Variants in PAN3 observed in about 807,000 individuals in gnomAD.
PAN3 encodes poly(A) specific ribonuclease subunit PAN3.
In PAN3, 19 loss-of-function variants were observed where a neutral mutation model predicts 96.2. The observed-to-expected ratio is 0.20, with a 90% CI of 0.14 to 0.29. PAN3 has a LOEUF of 0.29. Ranked by LOEUF, PAN3 falls within the 10% of genes least tolerant of loss-of-function variation. The pLI, the probability that PAN3 is intolerant of heterozygous loss-of-function variation, is 1.00. For synonymous variants in PAN3, 433 were observed against 406.6 expected, an observed-to-expected ratio of 1.06 and a Z score of -0.78; for missense variants, 882 against 1,108.1, an observed-to-expected ratio of 0.80 and a Z score of 2.90.
intron 4 of PAN3, among the ~76,000 whole-genome samples, chr13:28,196,454 G>A (rs550398961): frequency 6.6e-6 from 1 of 152,052 alleles, no homozygotes; most frequent in South Asian, 2.1e-4. Flanking sequence ...TTCTTATAAT[G>A]TTAGGCAAAT....
intron 1 of PAN3, among the ~76,000 whole-genome samples, chr13:28,158,592 C>T (rs1225943559): frequency 6.6e-6 from 1 of 152,132 alleles, no homozygotes; most frequent in Non-Finnish European, 1.5e-5. Context: ...AAATGCTCAA[C>T]ATTGGCTGGG....
chr13:28,176,105 A>G (rs1428603672), intron 2 of PAN3, among the ~76,000 whole-genome samples: 2 of 152,222 alleles, frequency 1.3e-5, no homozygotes, highest in Non-Finnish European at 2.9e-5. Context: ...TATGAATGGT[A>G]GTACAAATGG....
At chr13:28,263,854 T>A (rs988571896) in intron 9 of PAN3, among the ~76,000 whole-genome samples, 6 of 147,426 alleles carry the variant, frequency 4.1e-5, no homozygotes, top group African/African-American at 1.6e-4. Flanking sequence ...ATATTTAAAA[T>A]TTTTTTGTCA....
chr13:28,160,961 T>C (rs1872809088), intron 1 of PAN3, among the ~76,000 whole-genome samples: 1 of 152,198 alleles, frequency 6.6e-6, no homozygotes, highest in African/African-American at 2.4e-5. Flanking sequence ...TATGGAAAAA[T>C]CCTTGTAATA....
chr13:28,232,815 G>C (rs1252480779), intron 6 of PAN3, among the ~76,000 whole-genome samples: 1 of 151,954 alleles, frequency 6.6e-6, no homozygotes, highest in Non-Finnish European at 1.5e-5. Flanking sequence ...TTTTTTTAAA[G>C]ACTCCCTTTT....
intron 14 of PAN3, 146 bp from the exon 15 acceptor site, chr13:28,277,091 G>T: frequency 1.3e-6 from 1 of 786,624 alleles, no homozygotes; most frequent in South Asian, 2.0e-5. Flanking sequence ...ATAAGCTCCA[G>T]GTTATTCTGA....
intron 9 of PAN3, among the ~76,000 whole-genome samples, chr13:28,264,359 C>T (rs1001044458): frequency 3.9e-5 from 6 of 151,992 alleles, no homozygotes; most frequent in Admixed American, 3.9e-4. Flanking sequence ...GCCAACATGG[C>T]AAAACCCTGT....
intron 6 of PAN3, among the ~76,000 whole-genome samples, chr13:28,233,915 A>G (rs765877933): frequency 8.5e-5 from 13 of 152,212 alleles, no homozygotes; most frequent in African/African-American, 2.2e-4. Flanking sequence ...AAAATTAACC[A>G]AAGATGTGTA....
At chr13:28,146,490 T>C (rs1484286498) in intron 1 of PAN3, among the ~76,000 whole-genome samples, 1 of 152,054 alleles carries the variant, frequency 6.6e-6, no homozygotes, top group Non-Finnish European at 1.5e-5. Context: ...GATGAGGAGT[T>C]GGGTTCCTGG....
intron 1 of PAN3, among the ~76,000 whole-genome samples, chr13:28,161,313 C>G (rs900374896): frequency 6.6e-6 from 1 of 152,090 alleles, no homozygotes. Flanking sequence ...ATAATCTGTT[C>G]CATGTCTTTC....
intron 6 of PAN3, among the ~76,000 whole-genome samples, chr13:28,250,079 TA>T (rs1292459332): frequency 1.3e-5 from 2 of 152,212 alleles, no homozygotes; most frequent in Admixed American, 6.5e-5. Context: ...ACAGTTAGCA[TA>T]ATTATTTTTC....
At chr13:28,287,927 A>G (rs1378544584) in intron 17 of PAN3, 57 bp from the exon 18 acceptor site, 1 of 1,473,120 alleles carries the variant, frequency 6.8e-7, no homozygotes, top group Non-Finnish European at 9.1e-7. Flanking sequence ...AAAAATAGAC[A>G]TATGGCCACA....
chr13:28,235,672 TTCTC>T (rs1209353246), intron 6 of PAN3, among the ~76,000 whole-genome samples: 34 of 138,890 alleles, frequency 2.4e-4, no homozygotes, highest in African/African-American at 8.9e-4. Context: ...ATTTTTGTCT[TTCTC>T]TAATATACAC....
At chr13:28,198,327 A>G (rs1218194576) in intron 5 of PAN3, among the ~76,000 whole-genome samples, 1 of 152,128 alleles carries the variant, frequency 6.6e-6, no homozygotes, top group Non-Finnish European at 1.5e-5. Flanking sequence ...TTATTACACA[A>G]AGTCACATTT....
intron 5 of PAN3, chr13:28,215,567 C>A: frequency 1.4e-6 from 1 of 728,396 alleles, no homozygotes; most frequent in Non-Finnish European, 2.4e-6. Flanking sequence ...CAGGCTAAAT[C>A]AGTGCTGTCT....
intron 5 of PAN3, among the ~76,000 whole-genome samples, chr13:28,209,205 C>T (rs187654877): frequency 4.6e-5 from 7 of 152,074 alleles, no homozygotes; most frequent in East Asian, 1.9e-4. Flanking sequence ...CCCATGAATA[C>T]GGAGTGCTGA....
chr13:28,138,994 G>A lies in PAN3; in HGVS notation c.337G>A (p.Gly113Arg). Reference protein sequence around the residue: ...VAGGGAGPPPGPKKPDLGDPG... With the variant: ...VAGGGAGPPPRPKKPDLGDPG... ...GGGCGGGGGAGCTGGGCCGCCCCCC[G>A]GGCCCAAGAAGCCGGACCTGGGGGA... is the stretch of plus-strand genomic sequence containing the variant. The change falls in exon 1 of 19, where the codon GGG becomes AGG. Residue 113 changes from glycine (G) to arginine (R), a missense_variant. Gly to Arg is a moderately radical substitution (Grantham distance 125, BLOSUM62 -2). Around this residue, in one of 3 missense-constraint regions of PAN3, gnomAD observed 442 missense variants for 422.8 expected, o/e 1.05. Transcript: ENST00000380958. The A allele has an allele frequency of 7.9e-7, 1 of 1,273,188 alleles. No homozygotes were observed. Among genetic ancestry groups the A allele is most frequent in the Non-Finnish European group, 9.9e-7 (1 of 1,009,872 alleles). The allele number at this position is 1,273,188 out of a possible 1,614,324, so 78.9% of individuals were successfully genotyped here.
At chr13:28,152,124 C>CAT (rs1362737017) in intron 1 of PAN3, among the ~76,000 whole-genome samples, 1 of 151,912 alleles carries the variant, frequency 6.6e-6, no homozygotes, top group Non-Finnish European at 1.5e-5. Context: ...CCAGTCATGC[C>CAT]ATATATATAT....
At position 28,171,863 on chromosome 13, in the gene PAN3, G is replaced by A. The variant is rs531748560; in HGVS notation, c.431-2409G>A. On this transcript the variant is annotated intron_variant, in intron 1 of 18. Transcript: ENST00000380958. ...TGAAAGTTCCAAACTGGTAATCAGG[G>A]CTTGGTCTTTCTGGTGAACGGCTCC... 2.0e-5 allele frequency among the ~76,000 whole-genome samples: 3 copies of A among 152,258 alleles called. No homozygotes were observed. In the East Asian group the frequency reaches 5.8e-4, roughly 29 times the overall value.
Sources: gnomAD v4.1 joint callset for allele counts (sites outside exome capture counted in the v4.1 genomes callset) on GRCh38, gnomAD v4.1.1 for gene constraint, gnomAD v4.1.1 regional missense constraint, MANE v1.5 for transcripts, NCBI Gene and HGNC (gene_info 2026-07-23, HGNC 2026-07-21) for gene names.